The following GTF2E1 variants were observed in gnomAD, a reference collection of about 807,000 sequenced individuals.
GTF2E1 encodes the protein TFIIE alpha subunit.
GTF2E1 carries 14 observed loss-of-function variants against 34.9 expected under a neutral mutation model. That is an observed-to-expected ratio of 0.40 (90% CI 0.27 to 0.63). GTF2E1 has a LOEUF of 0.63. Ranked by LOEUF, GTF2E1 falls within the 20% of genes least tolerant of loss-of-function variation. GTF2E1 has a pLI of 0.39. For missense variants in GTF2E1, 469 were observed against 557.7 expected, an observed-to-expected ratio of 0.84 and a Z score of 1.60; for synonymous variants, 188 against 192.9, an observed-to-expected ratio of 0.97 and a Z score of 0.21.
intron 1 of GTF2E1, among the ~76,000 whole-genome samples, chr3:120,748,826 A>G (rs1290564217): frequency 8.5e-5 from 13 of 152,152 alleles, no homozygotes; most frequent in Admixed American, 7.9e-4. Context: ...CATTGAATCT[A>G]TAAATTACCT....
chr3:120,751,203 A>G (rs1709162528), intron 2 of GTF2E1: 1 of 519,644 alleles, frequency 1.9e-6, no homozygotes, highest in Non-Finnish European at 3.4e-6. Flanking sequence ...TTTCTCCTTT[A>G]CAAGGGAGTT....
chr3:120,763,298 T>C (rs988057293), intron 2 of GTF2E1, among the ~76,000 whole-genome samples: 18 of 152,168 alleles, frequency 1.2e-4, no homozygotes, highest in Admixed American at 1.2e-3. Flanking sequence ...GTACCTTTTT[T>C]CCCCTTTATA....
At chr3:120,768,816 C>T (rs1021326172) in intron 2 of GTF2E1, among the ~76,000 whole-genome samples, 6 of 152,182 alleles carry the variant, frequency 3.9e-5, no homozygotes, top group African/African-American at 1.4e-4. Context: ...TAACATTCTA[C>T]CTAAAACCTT....
At chr3:120,780,616 T>G (rs1053659122) in intron 4 of GTF2E1, among the ~76,000 whole-genome samples, 3 of 152,200 alleles carry the variant, frequency 2.0e-5, no homozygotes, top group Admixed American at 1.3e-4. Context: ...TTACCTTGAG[T>G]GAGATAAAGA....
chr3:120,781,665 A>C lies in GTF2E1; in HGVS notation c.*195A>C. ...AGCAAGGTAGGGTGCTGAGAATCCT[A>C]CCCTTCCTTGCTGTCACTACAGTAT... On this transcript the variant is annotated 3_prime_UTR_variant, in exon 5 of 5. Transcript: ENST00000283875. 1.7e-6 allele frequency: 1 copy of C among 574,002 alleles called. No homozygotes were observed. 35.6% of individuals were successfully genotyped at this position (574,002 alleles called of 1,614,324 possible). A position where few individuals can be genotyped will look rare whatever the true frequency, so the allele number is the denominator to read the frequency against.
chr3:120,769,196 TAAA>T (rs75846153), intron 2 of GTF2E1, among the ~76,000 whole-genome samples: 3 of 133,258 alleles, frequency 2.3e-5, no homozygotes, highest in Non-Finnish European at 1.6e-5. Context: ...ATCTTTTACC[TAAA>T]AAAAAAAAAA....
At chr3:120,749,005 T>A (rs1709138240) in intron 1 of GTF2E1, among the ~76,000 whole-genome samples, 2 of 152,236 alleles carry the variant, frequency 1.3e-5, no homozygotes, top group Non-Finnish European at 2.9e-5. Context: ...TTTATTCTCT[T>A]TGAAGCAATT....
At chr3:120,749,942 A>G (rs549941462) in intron 1 of GTF2E1, 1 of 152,090 alleles carries the variant, frequency 6.6e-6, no homozygotes, top group Admixed American at 6.5e-5. Flanking sequence ...ATCAGATTCA[A>G]TTTTTCAAGG....
intron 2 of GTF2E1, among the ~76,000 whole-genome samples, chr3:120,767,479 GCT>G (rs775322357): frequency 6.6e-6 from 1 of 152,128 alleles, no homozygotes; most frequent in African/African-American, 2.4e-5. Flanking sequence ...TTAAGCTCAG[GCT>G]CTCTTTCCTG....
At chr3:120,763,116 C>T (rs776250732) in intron 2 of GTF2E1, among the ~76,000 whole-genome samples, 10 of 152,040 alleles carry the variant, frequency 6.6e-5, no homozygotes, top group Non-Finnish European at 8.8e-5. Context: ...CACTACCTTC[C>T]GCATATATAT....
chr3:120,758,452 G>C (rs1467545744), intron 2 of GTF2E1, among the ~76,000 whole-genome samples: 3 of 151,720 alleles, frequency 2.0e-5, no homozygotes, highest in Non-Finnish European at 4.4e-5. Context: ...TTTAAGTTCT[G>C]GGGTACATGT....
chr3:120,776,208 A>G (rs1310673228), intron 3 of GTF2E1, among the ~76,000 whole-genome samples: 1 of 152,196 alleles, frequency 6.6e-6, no homozygotes, highest in African/African-American at 2.4e-5. Context: ...ATGTTTGAGG[A>G]ACTTAAATAT....
chr3:120,756,308 T>C (rs1171154951), intron 2 of GTF2E1, among the ~76,000 whole-genome samples: 1 of 152,136 alleles, frequency 6.6e-6, no homozygotes, highest in African/African-American at 2.4e-5. Context: ...ATAAGCAGTG[T>C]TTTCAATTCC....
Position 120,781,717 on chromosome 3 carries a change from T to A in GTF2E1, c.*247T>A. On this transcript the variant is annotated 3_prime_UTR_variant, in exon 5 of 5. Transcript: ENST00000283875. ...AATATTTTACTGTATTTTCTTTTCT[T>A]TTTTTTTTTTTTTTGGAGATGAAGT... 4.8e-6 allele frequency: 1 copy of A among 209,040 alleles called. No individual in the cohort carries two copies. Among genetic ancestry groups the A allele is most frequent in the East Asian group, 9.1e-5 (1 of 11,046 alleles). The allele number at this position is 209,040 out of a possible 1,614,324, so 12.9% of individuals were successfully genotyped here.
At chr3:120,749,847 G>A (rs905175371) in intron 1 of GTF2E1, 3 of 152,130 alleles carry the variant, frequency 2.0e-5, no homozygotes, top group African/African-American at 7.2e-5. Flanking sequence ...GCTTTGTCAA[G>A]GGATCCAGTA....
chr3:120,780,916 A>G, intron 4 of GTF2E1, 127 bp from the exon 5 acceptor site: 1 of 664,282 alleles, frequency 1.5e-6, no homozygotes, highest in Non-Finnish European at 2.5e-6. Flanking sequence ...TAGCAGCTCA[A>G]AAATGGAACC....
intron 2 of GTF2E1, among the ~76,000 whole-genome samples, chr3:120,762,525 C>T (rs779310873): frequency 6.6e-6 from 1 of 152,110 alleles, no homozygotes; most frequent in Non-Finnish European, 1.5e-5. Context: ...ATTAAAACAG[C>T]TTATGGTTAG....
chr3:120,780,311 A>T (rs766090548), intron 4 of GTF2E1, among the ~76,000 whole-genome samples: 5 of 152,214 alleles, frequency 3.3e-5, no homozygotes, highest in Non-Finnish European at 5.9e-5. Flanking sequence ...TATGGGGGAA[A>T]AATAGAGCAT....
chr3:120,754,241 A>G (rs1709189847), intron 2 of GTF2E1, among the ~76,000 whole-genome samples: 1 of 152,196 alleles, frequency 6.6e-6, no homozygotes, highest in South Asian at 2.1e-4. Flanking sequence ...TGATTTGGAA[A>G]TAGCTTTATA....
Sources: allele counts gnomAD v4.1 joint callset (sites outside exome capture counted in the v4.1 genomes callset), GRCh38; gene constraint gnomAD v4.1.1; transcripts MANE v1.5; gene names NCBI Gene and HGNC (gene_info 2026-07-23, HGNC 2026-07-21).